DPY19L3: variants seen among roughly 807,000 people sequenced by gnomAD.
The protein encoded by DPY19L3 is protein C-mannosyl-transferase DPY19L3.
A neutral mutation model predicts 92.3 loss-of-function variants in DPY19L3; 51 were observed. That is an observed-to-expected ratio of 0.55 (90% CI 0.44 to 0.70). The LOEUF is 0.70. DPY19L3 is among the 30% of genes least tolerant of loss of function. The pLI is 0.00. For missense variants in DPY19L3, 706 were observed against 855.9 expected, an observed-to-expected ratio of 0.82 and a Z score of 2.18; for synonymous variants, 309 against 315.2, an observed-to-expected ratio of 0.98 and a Z score of 0.21.
At chr19:32,440,032 T>A in intron 8 of DPY19L3, 122 bp downstream of exon 8, 1 of 1,325,526 alleles carries the variant, frequency 7.5e-7, no homozygotes, top group Non-Finnish European at 1.0e-6. Context: ...AGATCTGCTG[T>A]AAATTTGCTG....
intron 16 of DPY19L3, 200 bp downstream of exon 16, chr19:32,469,013 C>T: frequency 2.5e-6 from 1 of 393,850 alleles, no homozygotes; most frequent in Admixed American, 4.6e-5. Flanking sequence ...AGCTATATCT[C>T]ATGAAGAAAG....
chr19:32,464,639 C>G (rs1970146452), intron 14 of DPY19L3, 89 bp from the exon 15 acceptor site: 3 of 768,044 alleles, frequency 3.9e-6, no homozygotes, highest in Non-Finnish European at 6.0e-6. Flanking sequence ...GAATTCCAGG[C>G]CAGCCTAGGC....
At position 32,482,133 on chromosome 19, in the gene DPY19L3, C is replaced by T. The variant is rs141986378; in HGVS notation, c.2044C>T (p.Arg682Cys). The T allele has an allele frequency of 2.5e-6, 4 of 1,613,746 alleles. No individual in the cohort carries two copies. Among genetic ancestry groups the T allele is most frequent in the Non-Finnish European group, 3.4e-6 (4 of 1,179,866 alleles). ...DPDLKPADHPRFCEEIKRNLP... is the reference protein window; with the variant it reads ...DPDLKPADHPCFCEEIKRNLP... ...TGATTTGAAACCTGCAGACCACCCTCGCTTCTGTGAAGAGATCAAAAGAAA... is the reference window on the plus strand; with the variant it reads ...TGATTTGAAACCTGCAGACCACCCTTGCTTCTGTGAAGAGATCAAAAGAAA... The change falls in exon 19 of 19, where the codon CGC becomes TGC. Residue 682 changes from arginine (R) to cysteine (C), a missense_variant. Transcript: ENST00000392250.
In DPY19L3 at chr19:32,484,445, G is replaced by A. The variant is rs1462768019; in HGVS notation, c.*2205G>A. 2 of 152,286 alleles carry A rather than the reference G, an allele frequency of 1.3e-5. No homozygotes were observed. Among genetic ancestry groups the A allele is most frequent in the South Asian group, 2.1e-4 (1 of 4,826 alleles). The allele number at this position is 152,286 out of a possible 1,614,324, so 9.4% of individuals were successfully genotyped here. A position where few individuals can be genotyped will look rare whatever the true frequency, so the allele number is the denominator to read the frequency against. On this transcript the variant is annotated 3_prime_UTR_variant, in exon 19 of 19. Coordinates refer to ENST00000392250, the MANE Select transcript of DPY19L3 (RefSeq NM_001172774.2). ...TACCAGGCCGAAGCAAGAGACCCGC[G>A]GCAGCAGCTCCCCGCCACTCAGACC...
At chr19:32,464,238 G>T (rs1248135214) in intron 14 of DPY19L3, among the ~76,000 whole-genome samples, 2 of 151,922 alleles carry the variant, frequency 1.3e-5, no homozygotes, top group Admixed American at 6.6e-5. Context: ...CACAAAAGGG[G>T]AATTAAAATT....
At chr19:32,432,590 T>C in intron 3 of DPY19L3, 126 bp from the exon 4 acceptor site, 1 of 731,570 alleles carries the variant, frequency 1.4e-6, no homozygotes, top group Non-Finnish European at 2.1e-6. Flanking sequence ...TTGCCAAGAT[T>C]TTTTGAGACT....
In DPY19L3 at chr19:32,484,174, T is replaced by A. The variant is rs142216389; in HGVS notation, c.*1934T>A. 1 of 152,522 alleles carries A rather than the reference T, an allele frequency of 6.6e-6. No homozygotes were observed. The highest frequency in any genetic ancestry group is 2.4e-5 in the African/African-American group (1 of 41,418). The allele number at this position is 152,522 out of a possible 1,614,324, so 9.4% of individuals were successfully genotyped here. ...TGTTGCCAGCACCTTTAGTGCTCAG[T>A]CTTCAGTGAAAAATATAAAGTGCCA... On this transcript the variant is annotated 3_prime_UTR_variant, in exon 19 of 19. Coordinates refer to ENST00000392250, the MANE Select transcript of DPY19L3 (RefSeq NM_001172774.2).
intron 18 of DPY19L3, 175 bp from the exon 19 acceptor site, chr19:32,481,904 T>C: frequency 1.4e-6 from 1 of 690,724 alleles, no homozygotes; most frequent in Non-Finnish European, 2.3e-6. Context: ...GGTCTGCACT[T>C]CTGAAGGGGG....
intron 3 of DPY19L3, among the ~76,000 whole-genome samples, chr19:32,426,828 G>A (rs1230098061): frequency 6.6e-6 from 1 of 152,236 alleles, no homozygotes; most frequent in Non-Finnish European, 1.5e-5. Context: ...AGCAATAGCT[G>A]TTGCAGAAAT....
At chr19:32,468,834 T>A (rs1383873782) in intron 16 of DPY19L3, 21 bp downstream of exon 16, 1 of 1,606,990 alleles carries the variant, frequency 6.2e-7, no homozygotes, top group Non-Finnish European at 8.5e-7. Flanking sequence ...TTTTTTTAAC[T>A]TTTAAAATTT....
chr19:32,409,868 T>C (rs1202079576), intron 2 of DPY19L3, among the ~76,000 whole-genome samples: 1 of 152,148 alleles, frequency 6.6e-6, no homozygotes, highest in Non-Finnish European at 1.5e-5. Context: ...CACCTCCCAT[T>C]AGGCCCCACC....
chr19:32,482,170 A>G lies in DPY19L3; in HGVS notation c.2081A>G (p.Tyr694Cys). Reference protein sequence around the residue: ...CEEIKRNLPPYVAYFTRVFQN... With the variant: ...CEEIKRNLPPCVAYFTRVFQN... ...GAGATCAAAAGAAACCTGCCTCCCT[A>G]CGTGGCCTACTTCACCAGAGTGTTC... The change falls in exon 19 of 19, where the codon TAC becomes TGC. Residue 694 changes from tyrosine (Y) to cysteine (C), a missense_variant. Coordinates refer to ENST00000392250, the MANE Select transcript of DPY19L3 (RefSeq NM_001172774.2). 4 of 1,613,846 alleles carry G rather than the reference A, an allele frequency of 2.5e-6. No individual in the cohort carries two copies. The highest frequency in any genetic ancestry group is 3.4e-6 in the Non-Finnish European group (4 of 1,179,834).
At position 32,436,225 on chromosome 19, in the gene DPY19L3, C is replaced by A. The variant is rs868860860; in HGVS notation, c.329-221C>A. Among the ~76,000 whole-genome samples the A allele has an allele frequency of 1.2e-4, 19 of 152,146 alleles. No individual in the cohort carries two copies. The South Asian group carries it at 1.4e-3, about 12-fold the overall frequency. On this transcript the variant is annotated intron_variant, in intron 4 of 18. Transcript: ENST00000392250. ...GGTGGTGGTGGTTTCATTCCAGTTA[C>A]AAAAGTTTTAATTTACCTATGTTTG...
In DPY19L3 at chr19:32,458,487, G is replaced by A. The variant is rs780323469; in HGVS notation, c.1300G>A (p.Val434Ile). The change falls in exon 12 of 19, where the codon GTT (valine) becomes ATT (isoleucine). Residue 434 changes from valine (V) to isoleucine (I), a missense_variant. Coordinates refer to ENST00000392250, the MANE Select transcript of DPY19L3 (RefSeq NM_001172774.2). Reference protein sequence around the residue: ...VLSITVIVAFVVAFHNLSDST... With the variant: ...VLSITVIVAFIVAFHNLSDST... Reference sequence around the variant, plus strand: ...GTCCATCACAGTGATTGTAGCATTCGTTGTTGCCTTTCATAATCTCAGGTA... The same window carrying A: ...GTCCATCACAGTGATTGTAGCATTCATTGTTGCCTTTCATAATCTCAGGTA... The A allele has an allele frequency of 1.2e-5, 20 of 1,610,488 alleles. No individual in the cohort carries two copies. Among genetic ancestry groups the A allele is most frequent in the East Asian group, 1.1e-4 (5 of 44,830 alleles).
intron 3 of DPY19L3, among the ~76,000 whole-genome samples, chr19:32,419,660 T>G (rs1968498981): frequency 6.6e-6 from 1 of 151,996 alleles, no homozygotes; most frequent in African/African-American, 2.4e-5. Flanking sequence ...TCTTGAACTC[T>G]TGGCCTCAAG....
intron 9 of DPY19L3, among the ~76,000 whole-genome samples, chr19:32,453,986 T>A (rs1296627966): frequency 6.6e-6 from 1 of 152,182 alleles, no homozygotes; most frequent in Non-Finnish European, 1.5e-5. Flanking sequence ...TGTTTTCCAC[T>A]TTTAGAAGAA....
intron 3 of DPY19L3, among the ~76,000 whole-genome samples, chr19:32,420,276 G>C (rs552082563): frequency 2.0e-5 from 3 of 152,086 alleles, no homozygotes; most frequent in Non-Finnish European, 4.4e-5. Flanking sequence ...GGGGTATGGG[G>C]TAGGCAGAGG....
chr19:32,447,794 A>G (rs1197819780), intron 8 of DPY19L3, among the ~76,000 whole-genome samples: 4 of 128,758 alleles, frequency 3.1e-5, no homozygotes, highest in African/African-American at 1.2e-4. Context: ...AAGATACTCC[A>G]TCTCATTCAT....
intron 16 of DPY19L3, among the ~76,000 whole-genome samples, chr19:32,469,800 C>T (rs1476589304): frequency 6.6e-6 from 1 of 152,206 alleles, no homozygotes; most frequent in Non-Finnish European, 1.5e-5. Flanking sequence ...CAAAACCTGC[C>T]TCCCACCAGC....
Sources: gnomAD v4.1 joint callset for allele counts (sites outside exome capture counted in the v4.1 genomes callset) on GRCh38, gnomAD v4.1.1 for gene constraint, MANE v1.5 for transcripts, NCBI Gene and HGNC (gene_info 2026-07-23, HGNC 2026-07-21) for gene names.